ANGPT2: variants seen among roughly 807,000 people sequenced by gnomAD.
ANGPT2 encodes the protein angiopoietin-2.
A neutral mutation model predicts 62.9 loss-of-function variants in ANGPT2; 28 were observed. The observed-to-expected ratio is 0.44, with a 90% CI of 0.33 to 0.61. The LOEUF is 0.61. Among genes scored for constraint, ANGPT2 ranks in the 20% least tolerant of loss-of-function variants. ANGPT2 has a pLI of 0.03. For synonymous variants in ANGPT2, 284 were observed against 207.8 expected, an observed-to-expected ratio of 1.37 and a Z score of -3.15; for missense variants, 727 against 594.9, an observed-to-expected ratio of 1.22 and a Z score of -2.31.
chr8:6,534,939 C>T (rs895177142), intron 1 of ANGPT2, among the ~76,000 whole-genome samples: 1 of 152,158 alleles, frequency 6.6e-6, no homozygotes, highest in Non-Finnish European at 1.5e-5. Flanking sequence ...TTTGAGGTTG[C>T]AGTTAAAGCT....
intron 5 of ANGPT2, among the ~76,000 whole-genome samples, chr8:6,517,889 C>T (rs977404259): frequency 6.6e-6 from 1 of 152,114 alleles, no homozygotes; most frequent in Non-Finnish European, 1.5e-5. Context: ...CAATTGACAC[C>T]ACTTATTTTT....
At chr8:6,526,519 A>G (rs557494652) in intron 3 of ANGPT2, among the ~76,000 whole-genome samples, 1 of 152,264 alleles carries the variant, frequency 6.6e-6, no homozygotes, top group Non-Finnish European at 1.5e-5. Context: ...TACTGTTTGT[A>G]GAGGAGAAAT....
intron 1 of ANGPT2, among the ~76,000 whole-genome samples, chr8:6,541,763 G>C (rs993628728): frequency 6.6e-6 from 1 of 152,112 alleles, no homozygotes; most frequent in Non-Finnish European, 1.5e-5. Flanking sequence ...CAATACTTTA[G>C]GGGGCCAAGG....
chr8:6,551,229 AT>A (rs10708602), intron 1 of ANGPT2, among the ~76,000 whole-genome samples: 21,898 of 150,364 alleles, frequency 0.15, 1,676 homozygotes, highest in South Asian at 0.23. Flanking sequence ...CTTATTCGTG[AT>A]TTTTTTTTTC....
rs544708965 is a variant in ANGPT2 at position 6,506,486 on chromosome 8, G to A, written c.1327+2446C>T. ...TGCAATTCTCCTACTCTCCTGAGAA[G>A]CTCAGCACATACGGGTGGTCTAATA... On this transcript the variant is annotated intron_variant, in intron 8 of 8. Transcript: ENST00000629816. 2.8e-4 allele frequency among the ~76,000 whole-genome samples: 43 copies of A among 152,268 alleles called. 1 individual carries two copies. In the South Asian group the frequency reaches 6.8e-3, roughly 24 times the overall value.
At chr8:6,519,168 T>C (rs1586307654) in intron 5 of ANGPT2, among the ~76,000 whole-genome samples, 1 of 152,220 alleles carries the variant, frequency 6.6e-6, no homozygotes, top group Non-Finnish European at 1.5e-5. Context: ...TAGATGAGGT[T>C]AGAATCGCCT....
chr8:6,528,046 C>A (rs1353362403), intron 2 of ANGPT2, among the ~76,000 whole-genome samples: 2 of 147,620 alleles, frequency 1.4e-5, no homozygotes, highest in Admixed American at 1.3e-4. Flanking sequence ...CAGGTGCGTA[C>A]CACCATACCC....
At position 6,521,505 on chromosome 8, in the gene ANGPT2, A is replaced by T. The variant is rs145450899; in HGVS notation, c.567-95T>A. 2.9e-3 allele frequency: 2,650 copies of T among 909,202 alleles called. 63 individuals are homozygous for T. In the South Asian group the frequency reaches 0.035, roughly 12 times the overall value. 56.3% of individuals were successfully genotyped at this position (909,202 alleles called of 1,614,324 possible). On this transcript the variant is annotated intron_variant, in intron 3 of 8. Coordinates refer to ENST00000629816, the MANE Select transcript of ANGPT2 (RefSeq NM_001118887.2). ...TACTTCTCCAAGGTACTCTGTTAAG[A>T]TATTGTAGTGGTTATAAAGTAATAT...
Position 6,502,052 on chromosome 8 carries a change from G to A in ANGPT2, c.*1049C>T, listed in dbSNP as rs1182259997. 6.6e-6 allele frequency: 1 copy of A among 151,552 alleles called. No homozygotes were observed. The highest frequency in any genetic ancestry group is 1.5e-5 in the Non-Finnish European group (1 of 67,934). 9.4% of individuals were successfully genotyped at this position (151,552 alleles called of 1,614,324 possible). A position where few individuals can be genotyped will look rare whatever the true frequency, so the allele number is the denominator to read the frequency against. ...AGCTTTGTAAATTTCTTAAATAGAA[G>A]GCTTTTCTCAACCAGAAATTAAATT... On this transcript the variant is annotated 3_prime_UTR_variant, in exon 9 of 9. Transcript: ENST00000629816.
At chr8:6,558,905 G>A (rs1051277604) in intron 1 of ANGPT2, among the ~76,000 whole-genome samples, 6 of 151,188 alleles carry the variant, frequency 4.0e-5, no homozygotes, top group East Asian at 3.9e-4. Context: ...TATACATATC[G>A]CATAAGAGAT....
At chr8:6,522,224 G>A (rs1239749049) in intron 3 of ANGPT2, among the ~76,000 whole-genome samples, 3 of 151,998 alleles carry the variant, frequency 2.0e-5, no homozygotes, top group African/African-American at 7.2e-5. Flanking sequence ...GCGTGGTGGC[G>A]GGCGCCTGTA....
At chr8:6,540,037 G>A (rs1038491805) in intron 1 of ANGPT2, among the ~76,000 whole-genome samples, 4 of 152,146 alleles carry the variant, frequency 2.6e-5, no homozygotes, top group Non-Finnish European at 4.4e-5. Flanking sequence ...CTCAGCTGGT[G>A]GCATTCTAAC....
At chr8:6,535,388 C>T (rs564901043) in intron 1 of ANGPT2, among the ~76,000 whole-genome samples, 1 of 152,078 alleles carries the variant, frequency 6.6e-6, no homozygotes, top group African/African-American at 2.4e-5. Flanking sequence ...AATAAAATTT[C>T]TTAACCTGCC....
chr8:6,527,487 T>G, intron 3 of ANGPT2, 68 bp downstream of exon 3: 1 of 1,561,844 alleles, frequency 6.4e-7, no homozygotes, highest in Non-Finnish European at 8.7e-7. Flanking sequence ...AATTCATCAT[T>G]TGAGACCGAC....
chr8:6,499,874 G>T lies in ANGPT2; in HGVS notation c.*3227C>A, dbSNP rs746294778. ...CAGGTGCTATGGTCTTTAGAATTGG[G>T]TCACTGGATTTCTGAGGAGCCGTTC... is the stretch of plus-strand genomic sequence containing the variant. On this transcript the variant is annotated 3_prime_UTR_variant, in exon 9 of 9. Coordinates refer to ENST00000629816, the MANE Select transcript of ANGPT2 (RefSeq NM_001118887.2). The T allele has an allele frequency of 3.7e-6, 6 of 1,613,272 alleles. No homozygotes were observed. Among genetic ancestry groups the T allele is most frequent in the Non-Finnish European group, 5.1e-6 (6 of 1,179,978 alleles).
intron 7 of ANGPT2, among the ~76,000 whole-genome samples, chr8:6,512,603 G>A (rs781325214): frequency 1.1e-4 from 16 of 152,136 alleles, no homozygotes; most frequent in South Asian, 2.1e-4. Context: ...TGCCCCTCCC[G>A]TTGCACACAC....
intron 1 of ANGPT2, among the ~76,000 whole-genome samples, chr8:6,544,535 T>C (rs531198631): frequency 6.6e-6 from 1 of 152,338 alleles, no homozygotes; most frequent in South Asian, 2.1e-4. Context: ...TTCCAAGTCA[T>C]TTTCGGAGAG....
rs138512434 is a variant in ANGPT2 at position 6,521,186 on chromosome 8, G to A, written c.791C>T (p.Thr264Ile). Residue 264 changes from threonine to isoleucine, a missense_variant, in exon 4 of 9, where the codon ACA becomes ATA. Coordinates refer to ENST00000629816, the MANE Select transcript of ANGPT2 (RefSeq NM_001118887.2). ...ATGATATGTAAACTTACAGTTTGAT[G>A]TGGACATCATAGTCAGTAAGTTATT... ...TVNNLLTMMS[T>I]SNSKDPTVAK... 42 of 1,611,736 alleles carry A rather than the reference G, an allele frequency of 2.6e-5. No homozygotes were observed. The African/African-American group carries it at 4.9e-4, about 19-fold the overall frequency.
At chr8:6,553,487 A>G (rs1824036500) in intron 1 of ANGPT2, among the ~76,000 whole-genome samples, 1 of 152,112 alleles carries the variant, frequency 6.6e-6, no homozygotes, top group Non-Finnish European at 1.5e-5. Flanking sequence ...TCACACGTCA[A>G]CATTTTTTTA....
Sources: allele counts gnomAD v4.1 joint callset (sites outside exome capture counted in the v4.1 genomes callset), GRCh38; gene constraint gnomAD v4.1.1; transcripts MANE v1.5; gene names NCBI Gene and HGNC (gene_info 2026-07-23, HGNC 2026-07-21).